FBXL7: variants seen among roughly 807,000 people sequenced by gnomAD.
FBXL7 encodes the protein F-box/LRR-repeat protein 7.
In FBXL7, 12 loss-of-function variants were observed where a neutral mutation model predicts 38.3. The ratio of observed to expected loss-of-function variants is 0.31; its 90% confidence interval spans 0.20 to 0.51. The LOEUF is 0.51. FBXL7 is among the 20% of genes least tolerant of loss of function. The probability of loss-of-function intolerance (pLI) is 0.98; values close to 1 mark genes in which losing one functional copy is unlikely to be tolerated. For synonymous variants in FBXL7, 297 were observed against 300.9 expected, an observed-to-expected ratio of 0.99 and a Z score of 0.13; for missense variants, 567 against 676.4, an observed-to-expected ratio of 0.84 and a Z score of 1.79.
intron 1 of FBXL7, among the ~76,000 whole-genome samples, chr5:15,565,323 A>G (rs1738535865): frequency 6.6e-6 from 1 of 152,116 alleles, no homozygotes; most frequent in African/African-American, 2.4e-5. Flanking sequence ...GGAAACCTTC[A>G]TCCTCATTCA....
chr5:15,876,010 C>T (rs751356512), intron 2 of FBXL7, among the ~76,000 whole-genome samples: 3 of 152,184 alleles, frequency 2.0e-5, no homozygotes, highest in Non-Finnish European at 4.4e-5. Context: ...CCCAGATGCC[C>T]ATCAGTGATA....
At chr5:15,852,964 G>A (rs1026986668) in intron 2 of FBXL7, among the ~76,000 whole-genome samples, 4 of 152,114 alleles carry the variant, frequency 2.6e-5, no homozygotes, top group African/African-American at 9.7e-5. Context: ...CACTTATGGA[G>A]GGCTGTCACT....
At chr5:15,626,090 T>G (rs896296630) in intron 2 of FBXL7, among the ~76,000 whole-genome samples, 4 of 152,178 alleles carry the variant, frequency 2.6e-5, no homozygotes, top group Non-Finnish European at 5.9e-5. Context: ...AAAATTAAAT[T>G]TTAAACTTAA....
At chr5:15,865,482 A>G (rs1047631444) in intron 2 of FBXL7, among the ~76,000 whole-genome samples, 2 of 152,206 alleles carry the variant, frequency 1.3e-5, no homozygotes, top group Non-Finnish European at 2.9e-5. Context: ...TCTATAACTT[A>G]GACTTAATTC....
At chr5:15,741,223 G>A (rs903637126) in intron 2 of FBXL7, among the ~76,000 whole-genome samples, 3 of 151,992 alleles carry the variant, frequency 2.0e-5, no homozygotes, top group Admixed American at 6.6e-5. Context: ...TTGTACTTAC[G>A]ACATTGCATA....
At chr5:15,711,736 A>T (rs1743883014) in intron 2 of FBXL7, among the ~76,000 whole-genome samples, 2 of 152,206 alleles carry the variant, frequency 1.3e-5, no homozygotes, top group South Asian at 4.1e-4. Flanking sequence ...AGATCCTGAA[A>T]GATTGAAATC....
chr5:15,812,973 T>C (rs10066366), intron 2 of FBXL7, among the ~76,000 whole-genome samples: 37,458 of 152,116 alleles, frequency 0.25, 5,156 homozygotes, highest in Admixed American at 0.36. Context: ...TTTTTTCACA[T>C]TGATTTTGTA....
intron 1 of FBXL7, among the ~76,000 whole-genome samples, chr5:15,601,254 C>G (rs764538252): frequency 7.5e-6 from 1 of 133,516 alleles, no homozygotes; most frequent in Non-Finnish European, 1.6e-5. Flanking sequence ...ATGCAAGACA[C>G]AAGTCTTTTC....
rs138866362 is a variant in FBXL7, at chr5:15,682,129, G to C, written c.127+66057G>C. Among the ~76,000 whole-genome samples the C allele has an allele frequency of 2.3e-3, 347 of 152,356 alleles. 1 individual carries two copies. The highest frequency in any genetic ancestry group is 3.2e-3 in the Non-Finnish European group (221 of 68,036). On this transcript the variant is annotated intron_variant, in intron 2 of 3. Coordinates refer to ENST00000504595, the MANE Select transcript of FBXL7 (RefSeq NM_012304.5). ...AGGCAGGGTGGGGGACAGAAGAGAG[G>C]AGGGGAGCTCTGCTCCATTGTGTCA...
intron 2 of FBXL7, among the ~76,000 whole-genome samples, chr5:15,902,703 T>C (rs1741259119): frequency 1.3e-5 from 2 of 152,240 alleles, no homozygotes; most frequent in Admixed American, 1.3e-4. Context: ...TTGGAACCAT[T>C]CAGGAAGCAG....
rs3032721 is a variant in FBXL7, at chr5:15,616,093, ATCTC to A, written c.127+25_127+28del. ...CGAAGGTAGGCAGCTGGTCTTCATTATCTCTCTTTCTTCTTCACAGGGCTGGCTA... is the reference window on the plus strand; with the variant it reads ...CGAAGGTAGGCAGCTGGTCTTCATTATCTTTCTTCTTCACAGGGCTGGCTA... On this transcript the variant is annotated intron_variant, in intron 2 of 3. Transcript: ENST00000504595. The A allele has an allele frequency of 0.028, 43,379 of 1,558,428 alleles. 3,619 individuals carry two copies. In the East Asian group the frequency reaches 0.35, roughly 13 times the overall value.
intron 1 of FBXL7, among the ~76,000 whole-genome samples, chr5:15,528,341 A>T (rs1379902056): frequency 2.0e-5 from 3 of 152,194 alleles, no homozygotes; most frequent in Non-Finnish European, 2.9e-5. Context: ...CAGGACATTT[A>T]TGACTTGACT....
intron 2 of FBXL7, among the ~76,000 whole-genome samples, chr5:15,760,836 A>G (rs998175787): frequency 2.6e-5 from 4 of 152,206 alleles, no homozygotes; most frequent in South Asian, 2.1e-4. Context: ...ATTTGGATCA[A>G]TAAGTATATT....
chr5:15,741,920 C>T (rs986917553), intron 2 of FBXL7, among the ~76,000 whole-genome samples: 1 of 152,078 alleles, frequency 6.6e-6, no homozygotes, highest in Non-Finnish European at 1.5e-5. Context: ...ATACCATGTC[C>T]CTGGCCTCGG....
intron 2 of FBXL7, among the ~76,000 whole-genome samples, chr5:15,616,956 C>T (rs538282793): frequency 1.3e-5 from 2 of 152,132 alleles, no homozygotes; most frequent in African/African-American, 4.8e-5. Context: ...TGGGATGTTG[C>T]GGAAGCACAC....
intron 2 of FBXL7, among the ~76,000 whole-genome samples, chr5:15,623,947 A>G (rs1389201107): frequency 6.6e-6 from 1 of 152,178 alleles, no homozygotes; most frequent in East Asian, 1.9e-4. Context: ...AGGGCTCAAG[A>G]CTACGAGCCT....
chr5:15,866,800 T>C (rs1407734537), intron 2 of FBXL7, among the ~76,000 whole-genome samples: 1 of 152,104 alleles, frequency 6.6e-6, no homozygotes, highest in Non-Finnish European at 1.5e-5. Context: ...CTGAGGATGA[T>C]GGCTTCCAGC....
intron 2 of FBXL7, among the ~76,000 whole-genome samples, chr5:15,652,942 G>A (rs1020795320): frequency 1.3e-5 from 2 of 152,172 alleles, no homozygotes; most frequent in Non-Finnish European, 2.9e-5. Context: ...TTATCCTGAT[G>A]TGATTATTAC....
intron 1 of FBXL7, among the ~76,000 whole-genome samples, chr5:15,609,914 C>T (rs755419096): frequency 2.2e-4 from 34 of 152,208 alleles, no homozygotes; most frequent in Admixed American, 5.2e-4. Flanking sequence ...ATACGTGAGA[C>T]GGTAATTTAC....
Sources: gnomAD v4.1 joint callset for allele counts (sites outside exome capture counted in the v4.1 genomes callset) on GRCh38, gnomAD v4.1.1 for gene constraint, MANE v1.5 for transcripts, NCBI Gene and HGNC (gene_info 2026-07-23, HGNC 2026-07-21) for gene names.